Variants in RALGAPA1 observed in about 807,000 individuals in gnomAD.
The protein encoded by RALGAPA1 is Ral GTPase activating protein catalytic subunit alpha 1, also known as ral GTPase-activating protein subunit alpha-1.
In RALGAPA1, 52 loss-of-function variants were observed where a neutral mutation model predicts 269.6. That is an observed-to-expected ratio of 0.19 (90% CI 0.15 to 0.24). RALGAPA1 has a LOEUF of 0.24. RALGAPA1 is among the 10% of genes least tolerant of loss of function. The pLI is 1.00. For synonymous variants in RALGAPA1, 817 were observed against 1,008.3 expected, an observed-to-expected ratio of 0.81 and a Z score of 3.60; for missense variants, 1,917 against 3,013.9, an observed-to-expected ratio of 0.64 and a Z score of 8.52.
chr14:35,763,897 T>C (rs1353292015), intron 4 of RALGAPA1, among the ~76,000 whole-genome samples: 2 of 152,120 alleles, frequency 1.3e-5, no homozygotes, highest in Non-Finnish European at 2.9e-5. Flanking sequence ...CAGCCGTATA[T>C]GGGAGGGCTC....
At chr14:35,651,944 T>G in intron 30 of RALGAPA1, 71 bp from the exon 31 acceptor site, 1 of 1,290,894 alleles carries the variant, frequency 7.7e-7, no homozygotes, top group South Asian at 1.5e-5. Flanking sequence ...AAAACTTGAT[T>G]GTTAAATGCT....
chr14:35,652,112 A>G (rs1181903105), intron 30 of RALGAPA1, among the ~76,000 whole-genome samples: 2 of 152,208 alleles, frequency 1.3e-5, no homozygotes, highest in African/African-American at 4.8e-5. Flanking sequence ...TCTGTCAACC[A>G]TAAATGGATT....
intron 1 of RALGAPA1, among the ~76,000 whole-genome samples, chr14:35,793,485 C>T (rs2076341618): frequency 6.6e-6 from 1 of 152,014 alleles, no homozygotes; most frequent in Admixed American, 6.6e-5. Context: ...CCACCCACCT[C>T]GGCCTCCCAA....
At chr14:35,785,439 A>G (rs1354805654) in intron 1 of RALGAPA1, among the ~76,000 whole-genome samples, 1 of 152,226 alleles carries the variant, frequency 6.6e-6, no homozygotes, top group African/African-American at 2.4e-5. Context: ...AAGAAGTAAA[A>G]AGAGGTTTTA....
Position 35,539,481 on chromosome 14 carries a change from G to A in RALGAPA1, c.*233C>T. On this transcript the variant is annotated 3_prime_UTR_variant, in exon 42 of 42. Transcript: ENST00000680220. ...TATGGCAGACATGAAGGCCTGAAAG[G>A]GTTAACCCTATGTTCGTGCTAAGGT... is the stretch of plus-strand genomic sequence containing the variant. The A allele has an allele frequency of 6.4e-7, 1 of 1,559,734 alleles. No homozygotes were observed. The highest frequency in any genetic ancestry group is 1.4e-5 in the African/African-American group (1 of 73,668).
chr14:35,648,713 A>G (rs961911944), intron 31 of RALGAPA1, among the ~76,000 whole-genome samples: 6 of 152,082 alleles, frequency 3.9e-5, no homozygotes, highest in African/African-American at 1.4e-4. Context: ...TGGGAGGATC[A>G]CTTGAGTGTG....
At chr14:35,715,389 C>A (rs951356763) in intron 16 of RALGAPA1, among the ~76,000 whole-genome samples, 1 of 150,838 alleles carries the variant, frequency 6.6e-6, no homozygotes, top group Non-Finnish European at 1.5e-5. Flanking sequence ...CTATTTGATT[C>A]TTTTTAATCA....
intron 1 of RALGAPA1, among the ~76,000 whole-genome samples, chr14:35,789,246 G>A (rs1237843039): frequency 6.6e-6 from 1 of 151,506 alleles, no homozygotes; most frequent in African/African-American, 2.4e-5. Flanking sequence ...CATTAGCTAC[G>A]GCACAGGTAT....
At chr14:35,761,635 T>C (rs1173874541) in intron 5 of RALGAPA1, among the ~76,000 whole-genome samples, 2 of 152,216 alleles carry the variant, frequency 1.3e-5, no homozygotes, top group Non-Finnish European at 2.9e-5. Context: ...CAATACCCTG[T>C]ACACAGAAGA....
At chr14:35,664,964 A>C (rs1354038934) in intron 26 of RALGAPA1, among the ~76,000 whole-genome samples, 197 bp from the exon 27 acceptor site, 1 of 152,226 alleles carries the variant, frequency 6.6e-6, no homozygotes, top group Middle Eastern at 3.2e-3. Flanking sequence ...TAATAAATGC[A>C]ATAAACAAGT....
intron 39 of RALGAPA1, among the ~76,000 whole-genome samples, chr14:35,558,519 T>C (rs572094446): frequency 3.3e-5 from 5 of 152,342 alleles, no homozygotes; most frequent in African/African-American, 1.2e-4. Flanking sequence ...TCTGATGGGC[T>C]AAAAATAGAT....
At chr14:35,724,595 T>C (rs1353971995) in intron 14 of RALGAPA1, among the ~76,000 whole-genome samples, 4 of 152,148 alleles carry the variant, frequency 2.6e-5, no homozygotes, top group Non-Finnish European at 1.5e-5. Context: ...ATCTTAATTA[T>C]TTATTACTTT....
chr14:35,615,965 C>G (rs1459144307), intron 35 of RALGAPA1, among the ~76,000 whole-genome samples: 1 of 151,942 alleles, frequency 6.6e-6, no homozygotes, highest in Non-Finnish European at 1.5e-5. Context: ...GGGGAAGAGT[C>G]AGGAGATGAG....
intron 37 of RALGAPA1, among the ~76,000 whole-genome samples, chr14:35,586,710 T>C (rs747631433): frequency 2.0e-5 from 3 of 152,120 alleles, no homozygotes; most frequent in Admixed American, 2.0e-4. Flanking sequence ...GAGATAATCA[T>C]GGATAATCAT....
intron 37 of RALGAPA1, among the ~76,000 whole-genome samples, chr14:35,574,714 A>G (rs1309837397): frequency 1.3e-5 from 2 of 152,182 alleles, no homozygotes; most frequent in Non-Finnish European, 2.9e-5. Context: ...ACTACTGAAA[A>G]AATCAATTTT....
At chr14:35,792,874 C>A (rs1443343255) in intron 1 of RALGAPA1, among the ~76,000 whole-genome samples, 1 of 111,928 alleles carries the variant, frequency 8.9e-6, no homozygotes, top group Admixed American at 8.8e-5. Context: ...GTAAGAGATT[C>A]AAGAGGGGAA....
chr14:35,703,971 G>A (rs1048766754), intron 16 of RALGAPA1, among the ~76,000 whole-genome samples: 4 of 152,030 alleles, frequency 2.6e-5, no homozygotes, highest in African/African-American at 9.7e-5. Context: ...GACCGCAAAT[G>A]TGATGGACCC....
chr14:35,798,956 A>G (rs2076768982), intron 1 of RALGAPA1, among the ~76,000 whole-genome samples: 1 of 151,284 alleles, frequency 6.6e-6, no homozygotes, highest in African/African-American at 2.4e-5. Context: ...AGATTGCACC[A>G]CTGCACTCCA....
intron 4 of RALGAPA1, chr14:35,766,309 C>A: frequency 1.0e-6 from 1 of 991,268 alleles, no homozygotes; most frequent in Non-Finnish European, 1.6e-6. Flanking sequence ...TCTACCACAG[C>A]ACAGGATCCT....
Sources: allele counts gnomAD v4.1 joint callset (sites outside exome capture counted in the v4.1 genomes callset), GRCh38; gene constraint gnomAD v4.1.1; transcripts MANE v1.5; gene names NCBI Gene and HGNC (gene_info 2026-07-23, HGNC 2026-07-21).